FOXP2: variants seen among roughly 807,000 people sequenced by gnomAD.
FOXP2 encodes forkhead box P2.
Under a neutral mutation model 115.8 loss-of-function variants are expected in FOXP2, and 12 were observed. The observed-to-expected ratio is 0.10, with a 90% CI of 0.07 to 0.17. FOXP2 has a LOEUF of 0.17. Among genes scored for constraint, FOXP2 ranks in the 10% least tolerant of loss-of-function variants. The pLI is 1.00. For missense variants in FOXP2, 629 were observed against 843.5 expected (o/e 0.75, Z 3.15); for synonymous variants, 328 against 297.7 (o/e 1.10, Z -1.05).
In FOXP2 at chr7:114,094,284, C is replaced by T. The variant is rs549291173; in HGVS notation, c.-247+6446C>T. Reference sequence around the variant, plus strand: ...CTCAAATTGCTTTTGAATACGAAGTCATGAATAAGTGATACAGCCCTCCAT... The same window carrying T: ...CTCAAATTGCTTTTGAATACGAAGTTATGAATAAGTGATACAGCCCTCCAT... On this transcript the variant is annotated intron_variant, in intron 1 of 19. Coordinates refer to the FOXP2 transcript ENST00000635638. 2.6e-5 allele frequency among the ~76,000 whole-genome samples: 4 copies of T among 152,290 alleles called. No homozygotes were observed. In the South Asian group the frequency reaches 8.3e-4, roughly 32 times the overall value.
intron 3 of FOXP2, among the ~76,000 whole-genome samples, chr7:114,621,298 TA>T (rs1044661064): frequency 2.0e-5 from 3 of 152,082 alleles, no homozygotes; most frequent in African/African-American, 7.2e-5. Context: ...AATATTTTTC[TA>T]ATTCTGAGGG....
chr7:114,522,412 C>T (rs1798669687), intron 2 of FOXP2, among the ~76,000 whole-genome samples: 1 of 152,124 alleles, frequency 6.6e-6, no homozygotes, highest in African/African-American at 2.4e-5. Context: ...CCTAGCAAGT[C>T]ATTTCCTACA....
intron 1 of FOXP2, among the ~76,000 whole-genome samples, chr7:114,262,419 A>C (rs1795778760): frequency 6.6e-6 from 1 of 152,176 alleles, no homozygotes; most frequent in South Asian, 2.1e-4. Flanking sequence ...ACTAAATAAA[A>C]GGTACTATGC....
chr7:114,179,052 C>A (rs1442973574), intron 1 of FOXP2, among the ~76,000 whole-genome samples: 1 of 151,914 alleles, frequency 6.6e-6, no homozygotes, highest in African/African-American at 2.4e-5. Context: ...TTATTGCCAG[C>A]ATCTTAACTT....
chr7:114,236,552 G>A (rs1172365102), intron 1 of FOXP2, among the ~76,000 whole-genome samples: 1 of 152,096 alleles, frequency 6.6e-6, no homozygotes, highest in African/African-American at 2.4e-5. Flanking sequence ...CCTTCCACAG[G>A]TATTTATTAT....
chr7:114,497,926 A>T (rs942978707), intron 2 of FOXP2, among the ~76,000 whole-genome samples: 5 of 152,126 alleles, frequency 3.3e-5, no homozygotes, highest in African/African-American at 4.8e-5. Flanking sequence ...GATTCAGATT[A>T]AAAAACTCAG....
chr7:114,426,998 A>C (rs977231667), intron 2 of FOXP2, among the ~76,000 whole-genome samples: 6 of 151,620 alleles, frequency 4.0e-5, no homozygotes, highest in Admixed American at 6.6e-5. Context: ...GCAGAACGTG[A>C]TACTTAGTTT....
At chr7:114,535,644 A>AT (rs1799351924) in intron 3 of FOXP2, among the ~76,000 whole-genome samples, 1 of 151,630 alleles carries the variant, frequency 6.6e-6, no homozygotes, top group Non-Finnish European at 1.5e-5. Flanking sequence ...CTTAGTTTGT[A>AT]TAAGAGAGAA....
chr7:114,450,591 G>A (rs1584750666), intron 2 of FOXP2, among the ~76,000 whole-genome samples: 1 of 151,912 alleles, frequency 6.6e-6, no homozygotes, highest in Non-Finnish European at 1.5e-5. Flanking sequence ...GAAAAGTTTC[G>A]GTCAAGAGGT....
At chr7:114,628,787 C>T (rs1378504239) in intron 4 of FOXP2, 110 bp downstream of exon 4, 2 of 1,298,968 alleles carry the variant, frequency 1.5e-6, no homozygotes, top group Non-Finnish European at 2.2e-6. Flanking sequence ...GAAAGGACAA[C>T]CTATTAGCGT....
At chr7:114,244,966 G>T (rs1795244781) in intron 1 of FOXP2, among the ~76,000 whole-genome samples, 1 of 152,080 alleles carries the variant, frequency 6.6e-6, no homozygotes, top group Admixed American at 6.5e-5. Flanking sequence ...GTTTCACCGT[G>T]TTAGCCAGGA....
At chr7:114,172,767 G>A (rs933571310) in intron 1 of FOXP2, among the ~76,000 whole-genome samples, 1 of 151,948 alleles carries the variant, frequency 6.6e-6, no homozygotes, top group South Asian at 2.1e-4. Flanking sequence ...AAGTAAAAAA[G>A]AATTAAAAAG....
At chr7:114,504,166 A>G (rs1293009140) in intron 2 of FOXP2, among the ~76,000 whole-genome samples, 1 of 151,714 alleles carries the variant, frequency 6.6e-6, no homozygotes, top group African/African-American at 2.4e-5. Context: ...ATCTATAAAA[A>G]TCAATTCCAT....
At chr7:114,291,897 A>AGATAATATATAGAATATATATTATC (rs1796605227) in intron 2 of FOXP2, among the ~76,000 whole-genome samples, 1 of 142,476 alleles carries the variant, frequency 7.0e-6, no homozygotes, top group Non-Finnish European at 1.5e-5. Context: ...TATATATTAT[A>AGATAATATATAGAATATATATTATC]GATAATATAT....
rs79640640 is a variant in FOXP2, at chr7:114,467,416, A to G, written c.168+40737A>G. 6.6e-3 allele frequency among the ~76,000 whole-genome samples: 1,007 copies of G among 152,296 alleles called. 10 individuals are homozygous for G. Among genetic ancestry groups the G allele is most frequent in the African/African-American group, 0.023 (968 of 41,576 alleles). On this transcript the variant is annotated intron_variant, in intron 2 of 16. Coordinates refer to ENST00000350908, the MANE Select transcript of FOXP2 (RefSeq NM_014491.4). ...AGAAGTGCCTGTAAACTCCAAAATGATTTAAGAGAGAGCATCGGAAGGAAA... is the reference window on the plus strand; with the variant it reads ...AGAAGTGCCTGTAAACTCCAAAATGGTTTAAGAGAGAGCATCGGAAGGAAA...
At chr7:114,529,446 G>A (rs1004336653) in intron 2 of FOXP2, among the ~76,000 whole-genome samples, 1 of 151,672 alleles carries the variant, frequency 6.6e-6, no homozygotes, top group Non-Finnish European at 1.5e-5. Flanking sequence ...TTGGTAAATA[G>A]GATGCTTTGT....
intron 3 of FOXP2, among the ~76,000 whole-genome samples, chr7:114,617,072 G>A (rs536879871): frequency 1.2e-4 from 18 of 152,108 alleles, no homozygotes; most frequent in South Asian, 2.1e-4. Flanking sequence ...GCAACAGAGC[G>A]TGCGACTCTC....
chr7:114,272,566 A>G (rs1356446409), intron 1 of FOXP2, among the ~76,000 whole-genome samples: 1 of 151,862 alleles, frequency 6.6e-6, no homozygotes, highest in Non-Finnish European at 1.5e-5. Context: ...TAATAGACAT[A>G]GGCCTATTCT....
chr7:114,336,864 C>T (rs1237466751), intron 2 of FOXP2, among the ~76,000 whole-genome samples: 1 of 147,860 alleles, frequency 6.8e-6, no homozygotes, highest in Non-Finnish European at 1.5e-5. Context: ...AAATCACTTG[C>T]AATTTCCAAA....
Sources: gnomAD v4.1 joint callset for allele counts (sites outside exome capture counted in the v4.1 genomes callset) on GRCh38, gnomAD v4.1.1 for gene constraint, MANE v1.5 for transcripts, NCBI Gene and HGNC (gene_info 2026-07-23, HGNC 2026-07-21) for gene names.